Variants in AGBL4 observed in about 807,000 individuals in gnomAD.
The protein encoded by AGBL4 is AGBL carboxypeptidase 4, also known as cytosolic carboxypeptidase 6.
A neutral mutation model predicts 66.4 loss-of-function variants in AGBL4; 58 were observed. The ratio of observed to expected loss-of-function variants is 0.87; its 90% CI spans 0.71 to 1.09. The LOEUF is 1.09. AGBL4 is among the 50% of genes least tolerant of loss of function. The pLI is 0.00. For missense variants in AGBL4, 579 were observed against 631.0 expected (o/e 0.92, Z 0.88); for synonymous variants, 234 against 222.9 (o/e 1.05, Z -0.44).
intron 5 of AGBL4, among the ~76,000 whole-genome samples, chr1:49,040,768 G>A (rs951624821): frequency 6.6e-5 from 10 of 152,052 alleles, no homozygotes; most frequent in African/African-American, 2.2e-4. Context: ...AGTTACCTGC[G>A]ACTGGGACTG....
chr1:49,500,620 C>G (rs146088527), intron 3 of AGBL4, among the ~76,000 whole-genome samples: 2 of 151,892 alleles, frequency 1.3e-5, no homozygotes, highest in African/African-American at 2.4e-5. Flanking sequence ...TCCTAGAACC[C>G]TTTGTTGAAT....
At chr1:48,642,099 A>T (rs1035944298) in intron 8 of AGBL4, among the ~76,000 whole-genome samples, 1 of 152,140 alleles carries the variant, frequency 6.6e-6, no homozygotes, top group Non-Finnish European at 1.5e-5. Context: ...GCAGAGTCAT[A>T]GCCCATAGCC....
intron 3 of AGBL4, among the ~76,000 whole-genome samples, chr1:49,497,431 A>C (rs1647703767): frequency 6.6e-6 from 1 of 151,974 alleles, no homozygotes; most frequent in African/African-American, 2.4e-5. Flanking sequence ...TATCCAAAAA[A>C]TCCTTGCCCA....
At chr1:49,114,928 A>G (rs1056681312) in intron 4 of AGBL4, among the ~76,000 whole-genome samples, 3 of 152,246 alleles carry the variant, frequency 2.0e-5, no homozygotes, top group African/African-American at 2.4e-5. Context: ...AATAATAATG[A>G]AAAAGTTTGA....
intron 3 of AGBL4, among the ~76,000 whole-genome samples, chr1:49,386,831 C>T (rs1644746572): frequency 6.6e-6 from 1 of 151,876 alleles, no homozygotes; most frequent in African/African-American, 2.4e-5. Flanking sequence ...TTCTCTCTAG[C>T]TAGTTAATTC....
At chr1:49,554,159 G>C (rs997890889) in intron 3 of AGBL4, among the ~76,000 whole-genome samples, 1 of 152,098 alleles carries the variant, frequency 6.6e-6, no homozygotes, top group African/African-American at 2.4e-5. Flanking sequence ...CACAGTCTCA[G>C]AGCTAAGACA....
intron 2 of AGBL4, among the ~76,000 whole-genome samples, chr1:49,812,403 C>T (rs564107893): frequency 6.6e-5 from 10 of 152,254 alleles, no homozygotes; most frequent in South Asian, 2.1e-4. Context: ...AGGCTGTATA[C>T]ATGGACTTGT....
chr1:49,745,948 C>T (rs1257046585), intron 2 of AGBL4, among the ~76,000 whole-genome samples: 1 of 151,918 alleles, frequency 6.6e-6, no homozygotes, highest in African/African-American at 2.4e-5. Flanking sequence ...CAGATGAACA[C>T]AAAACATTCT....
At chr1:48,847,268 C>CT (rs777072690) in intron 6 of AGBL4, among the ~76,000 whole-genome samples, 6 of 152,162 alleles carry the variant, frequency 3.9e-5, no homozygotes, top group Non-Finnish European at 7.4e-5. Flanking sequence ...CCATTGCACT[C>CT]TAGCCTGGGC....
chr1:48,968,437 G>C (rs1329279696), intron 5 of AGBL4, among the ~76,000 whole-genome samples: 1 of 152,118 alleles, frequency 6.6e-6, no homozygotes, highest in Non-Finnish European at 1.5e-5. Context: ...GAGGGCAGTG[G>C]GGACATAAAT....
intron 3 of AGBL4, among the ~76,000 whole-genome samples, chr1:49,282,067 C>G (rs763867399): frequency 6.6e-6 from 1 of 152,182 alleles, no homozygotes; most frequent in Non-Finnish European, 1.5e-5. Flanking sequence ...ATCTGACTAT[C>G]TCCAGGTAGA....
chr1:49,054,566 GGT>G (rs1366087293), intron 4 of AGBL4, among the ~76,000 whole-genome samples: 1 of 151,798 alleles, frequency 6.6e-6, no homozygotes, highest in Non-Finnish European at 1.5e-5. Context: ...ATTGGTTTGA[GGT>G]GTCTACATAA....
chr1:49,438,852 C>CACAGTA (rs1645962469), intron 3 of AGBL4, among the ~76,000 whole-genome samples: 1 of 152,146 alleles, frequency 6.6e-6, no homozygotes, highest in Non-Finnish European at 1.5e-5. Context: ...TGTATTGGCT[C>CACAGTA]ACAGTTCTGG....
At chr1:49,407,455 C>G (rs1254999729) in intron 3 of AGBL4, among the ~76,000 whole-genome samples, 1 of 152,208 alleles carries the variant, frequency 6.6e-6, no homozygotes, top group Non-Finnish European at 1.5e-5. Flanking sequence ...TTAGACTTAG[C>G]AGCCTCCATC....
chr1:48,831,938 C>A (rs1041815292), intron 6 of AGBL4, among the ~76,000 whole-genome samples: 1 of 152,260 alleles, frequency 6.6e-6, no homozygotes, highest in South Asian at 2.1e-4. Context: ...AAAGATTCAC[C>A]TTCATTACAG....
chr1:48,795,109 A>G (rs1029873100), intron 6 of AGBL4, among the ~76,000 whole-genome samples: 4 of 152,124 alleles, frequency 2.6e-5, no homozygotes, highest in Non-Finnish European at 5.9e-5. Context: ...CTTCTCCACT[A>G]TATCCTAGTT....
At chr1:49,048,101 A>T (rs6672750) in intron 4 of AGBL4, among the ~76,000 whole-genome samples, 102,576 of 151,904 alleles carry the variant, frequency 0.68, 35,244 homozygotes, top group African/African-American at 0.75. Flanking sequence ...TTCCAGCCAA[A>T]GGTCTGTGAT....
At chr1:49,535,815 C>A (rs530542278) in intron 3 of AGBL4, among the ~76,000 whole-genome samples, 1 of 152,274 alleles carries the variant, frequency 6.6e-6, no homozygotes, top group African/African-American at 2.4e-5. Flanking sequence ...CCTCAGCCTC[C>A]CAAGTAGCTG....
chr1:48,658,100 G>C (rs1168143629), intron 7 of AGBL4, among the ~76,000 whole-genome samples: 1 of 152,136 alleles, frequency 6.6e-6, no homozygotes, highest in African/African-American at 2.4e-5. Flanking sequence ...AATTCTATTG[G>C]CTCCATTTCA....
Sources: allele counts gnomAD v4.1 joint callset (sites outside exome capture counted in the v4.1 genomes callset), GRCh38; gene constraint gnomAD v4.1.1; transcripts MANE v1.5; gene names NCBI Gene and HGNC (gene_info 2026-07-23, HGNC 2026-07-21).